The following NUTM2E variants were observed in gnomAD, a reference collection of about 807,000 sequenced individuals.
NUTM2E encodes the protein NUT family member 2E.
In NUTM2E, 3 loss-of-function variants were observed where a neutral mutation model predicts 26.1. The ratio of observed to expected loss-of-function variants is 0.12; its 90% CI spans 0.05 to 0.30. The LOEUF (loss-of-function observed/expected upper bound fraction) is 0.30. Among genes scored for constraint, NUTM2E ranks in the 10% least tolerant of loss-of-function variants. The pLI, the probability that NUTM2E is intolerant of heterozygous loss-of-function variation, is 1.00. For missense variants in NUTM2E, 62 were observed against 381.3 expected (o/e 0.16, Z 6.97); for synonymous variants, 13 against 157.5 (o/e 0.08, Z 6.87).
intron 1 of NUTM2E, among the ~76,000 whole-genome samples, chr10:79,832,102 C>T (rs1841930989): frequency 6.6e-6 from 1 of 152,106 alleles, no homozygotes; most frequent in Non-Finnish European, 1.5e-5. Flanking sequence ...TTCCCAAGGG[C>T]CCACCACTGA....
intron 1 of NUTM2E, among the ~76,000 whole-genome samples, chr10:79,837,639 G>C (rs1413841105): frequency 3.3e-5 from 5 of 151,956 alleles, no homozygotes; most frequent in Non-Finnish European, 7.4e-5. Flanking sequence ...CAAACACTTT[G>C]ATTGTGTTAT....
intron 1 of NUTM2E, among the ~76,000 whole-genome samples, chr10:79,837,903 C>A (rs2257473): frequency 7.0e-6 from 1 of 143,242 alleles, no homozygotes; most frequent in African/African-American, 2.5e-5. Context: ...ACTCAGACAA[C>A]TAAATAGGCA....
At chr10:79,829,519 C>T (rs1841913283) in intron 1 of NUTM2E, among the ~76,000 whole-genome samples, 1 of 151,926 alleles carries the variant, frequency 6.6e-6, no homozygotes, top group African/African-American at 2.4e-5. Flanking sequence ...AAGCTGGTAG[C>T]ACTACACTGA....
rs1234318518 is a variant in NUTM2E, at chr10:79,838,949, C to T, written c.-2280C>T. On this transcript the variant is annotated 5_prime_UTR_variant, in exon 3 of 10. Transcript: ENST00000429984. ...GCCTCAAGGCTCCTGCGGCGGCGCACAGGGCAGGCCAGGAGCCCGCCCTAG... is the reference window on the plus strand; with the variant it reads ...GCCTCAAGGCTCCTGCGGCGGCGCATAGGGCAGGCCAGGAGCCCGCCCTAG... Among the ~76,000 whole-genome samples, 1 of 148,118 alleles carries T rather than the reference C, an allele frequency of 6.8e-6. No homozygotes were observed. Among genetic ancestry groups the T allele is most frequent in the Non-Finnish European group, 1.5e-5 (1 of 66,750 alleles).
intron 1 of NUTM2E, among the ~76,000 whole-genome samples, chr10:79,833,681 G>C (rs1397942260): frequency 6.6e-6 from 1 of 151,722 alleles, no homozygotes; most frequent in African/African-American, 2.4e-5. Flanking sequence ...AGGCCAGTTA[G>C]AATGGCAATC....
chr10:79,836,634 T>TA (rs1184681029), intron 1 of NUTM2E, among the ~76,000 whole-genome samples: 1 of 151,918 alleles, frequency 6.6e-6, no homozygotes, highest in African/African-American at 2.4e-5. Flanking sequence ...GAATTTGACT[T>TA]ATGAACTCTT....
chr10:79,839,092 C>A lies in NUTM2E; in HGVS notation c.-2137C>A, dbSNP rs997329597. Among the ~76,000 whole-genome samples the A allele has an allele frequency of 4.0e-5, 6 of 151,356 alleles. No individual in the cohort carries two copies. The highest frequency in any genetic ancestry group is 5.9e-5 in the Non-Finnish European group (4 of 67,790). ...CGTGCCTCTGAGAAACCAGCGCGTC[C>A]GCAACGATCACTCCTAATTTTCGGT... On this transcript the variant is annotated 5_prime_UTR_variant, in exon 3 of 10. Transcript: ENST00000429984.
intron 1 of NUTM2E, among the ~76,000 whole-genome samples, chr10:79,834,324 C>T (rs1841946946): frequency 6.6e-6 from 1 of 151,648 alleles, no homozygotes. Flanking sequence ...CCTGCATCTT[C>T]TACACATGTA....
Position 79,838,855 on chromosome 10 carries a change from T to G in NUTM2E, c.-2374T>G, listed in dbSNP as rs1048408382. Among the ~76,000 whole-genome samples, 1 of 151,116 alleles carries G rather than the reference T, an allele frequency of 6.6e-6. No homozygotes were observed. The highest frequency in any genetic ancestry group is 1.5e-5 in the Non-Finnish European group (1 of 67,668). The stretch of plus-strand genomic sequence containing the variant: ...TTTGCTCTCGCGCTGCGCGTCTCCC[T>G]GCCATCAACCGCCGCAACTGGCGCT... On this transcript the variant is annotated 5_prime_UTR_variant, in exon 3 of 10. Coordinates refer to ENST00000429984, the MANE Select transcript of NUTM2E (RefSeq NM_001355263.2).
intron 1 of NUTM2E, among the ~76,000 whole-genome samples, chr10:79,836,996 A>G (rs10885528): frequency 0.88 from 132,717 of 151,344 alleles, 58,869 homozygotes; most frequent in Non-Finnish European, 0.95. Context: ...TTTAGAAGGA[A>G]GAGAAAAAAA....
rs1290849620 is a variant in NUTM2E at position 79,839,650 on chromosome 10, G to T, written c.-2091G>T. ...CAGGATTCCTATCATCTGTCTCCAC[G>T]TGATAACACTGAAGAGCCTTCACAT... is the stretch of plus-strand genomic sequence containing the variant. On this transcript the variant is annotated 5_prime_UTR_variant, in exon 4 of 10. Coordinates refer to ENST00000429984, the MANE Select transcript of NUTM2E (RefSeq NM_001355263.2). Among the ~76,000 whole-genome samples, 2 of 151,868 alleles carry T rather than the reference G, an allele frequency of 1.3e-5. No individual in the cohort carries two copies. The highest frequency in any genetic ancestry group is 2.9e-5 in the Non-Finnish European group (2 of 67,976).
chr10:79,838,557 G>C lies in NUTM2E; in HGVS notation c.-2479G>C, dbSNP rs1841978176. Among the ~76,000 whole-genome samples, 3 of 149,022 alleles carry C rather than the reference G, an allele frequency of 2.0e-5. No individual in the cohort carries two copies. Among genetic ancestry groups the C allele is most frequent in the Middle Eastern group, 6.9e-3 (2 of 288 alleles). ...CACACTTTGAGGTTCCCACTGCATT[G>C]TTACACCTCCCCCCTCACTTCAGGG... On this transcript the variant is annotated 5_prime_UTR_variant, in exon 2 of 10. Transcript: ENST00000429984.
chr10:79,838,404 C>T lies in NUTM2E; in HGVS notation c.-2632C>T, dbSNP rs1370113028. On this transcript the variant is annotated 5_prime_UTR_variant, in exon 2 of 10. Coordinates refer to ENST00000429984, the MANE Select transcript of NUTM2E (RefSeq NM_001355263.2). ...AGCTTCACAACTTACTCAATGAGGTCGTCCGTGAGAACTTCACTGTTTTAC... is the reference window on the plus strand; with the variant it reads ...AGCTTCACAACTTACTCAATGAGGTTGTCCGTGAGAACTTCACTGTTTTAC... 1.4e-5 allele frequency among the ~76,000 whole-genome samples: 2 copies of T among 141,174 alleles called. No individual in the cohort carries two copies. Among genetic ancestry groups the T allele is most frequent in the Admixed American group, 7.2e-5 (1 of 13,828 alleles). The allele number at this position is 141,174 out of a possible 152,430, so 92.6% of individuals were successfully genotyped here.
At chr10:79,832,454 C>G (rs1841933205) in intron 1 of NUTM2E, among the ~76,000 whole-genome samples, 1 of 151,712 alleles carries the variant, frequency 6.6e-6, no homozygotes, top group Admixed American at 6.6e-5. Context: ...CTGATTTAAT[C>G]AGTGGGTATT....
intron 1 of NUTM2E, among the ~76,000 whole-genome samples, chr10:79,833,080 A>G (rs1350096515): frequency 1.3e-5 from 2 of 151,924 alleles, no homozygotes; most frequent in African/African-American, 4.8e-5. Flanking sequence ...TGCATAAATA[A>G]CCAGAGAAAA....
At chr10:79,828,273 C>A (rs999568329) in intron 1 of NUTM2E, among the ~76,000 whole-genome samples, 3 of 151,822 alleles carry the variant, frequency 2.0e-5, no homozygotes, top group African/African-American at 7.3e-5. Flanking sequence ...TCTAAAACCG[C>A]ATGGGATTAC....
intron 1 of NUTM2E, among the ~76,000 whole-genome samples, chr10:79,834,324 C>G (rs1841946946): frequency 6.6e-6 from 1 of 151,762 alleles, no homozygotes; most frequent in Non-Finnish European, 1.5e-5. Context: ...CCTGCATCTT[C>G]TACACATGTA....
chr10:79,827,795 GTTTTTTTTTTTT>G (rs57414762), intron 1 of NUTM2E, among the ~76,000 whole-genome samples: 1 of 127,738 alleles, frequency 7.8e-6, no homozygotes, highest in Non-Finnish European at 1.7e-5. Flanking sequence ...TTTTTTTTTT[GTTTTTTTTTTTT>G]TGTTTTTTTT....
intron 3 of NUTM2E, among the ~76,000 whole-genome samples, 139 bp from the exon 4 acceptor site, chr10:79,839,489 C>A (rs1260726735): frequency 1.3e-5 from 2 of 151,724 alleles, no homozygotes; most frequent in Admixed American, 1.3e-4. Flanking sequence ...CAATTCCACG[C>A]TCCCCACCCC....
Sources: gnomAD v4.1 joint callset for allele counts (sites outside exome capture counted in the v4.1 genomes callset) on GRCh38, gnomAD v4.1.1 for gene constraint, MANE v1.5 for transcripts, NCBI Gene and HGNC (gene_info 2026-07-23, HGNC 2026-07-21) for gene names.